BRINP1: variants seen among roughly 807,000 people sequenced by gnomAD.
BRINP1 encodes the protein BMP/retinoic acid inducible neural specific 1, also known as BMP/retinoic acid-inducible neural-specific protein 1.
A neutral mutation model predicts 72.9 loss-of-function variants in BRINP1; 17 were observed. The ratio of observed to expected loss-of-function variants is 0.23; its 90% confidence interval spans 0.16 to 0.35. BRINP1 has a LOEUF of 0.35. BRINP1 is among the 10% of genes least tolerant of loss of function. The pLI is 1.00. For synonymous variants in BRINP1, 418 were observed against 378.5 expected (o/e 1.10, Z -1.21); for missense variants, 850 against 1,001.6 (o/e 0.85, Z 2.04).
chr9:119,169,501 A>G (rs1458388186), intron 7 of BRINP1, among the ~76,000 whole-genome samples: 1 of 152,154 alleles, frequency 6.6e-6, no homozygotes, highest in Non-Finnish European at 1.5e-5. Flanking sequence ...AGTCTCGCTG[A>G]TTGCTAGCGC....
intron 7 of BRINP1, among the ~76,000 whole-genome samples, chr9:119,180,584 T>A (rs1829545284): frequency 6.6e-6 from 1 of 152,110 alleles, no homozygotes; most frequent in African/African-American, 2.4e-5. Context: ...GAGATTCCGC[T>A]GAAAACAGCC....
chr9:119,315,275 T>C (rs931629925), intron 1 of BRINP1, among the ~76,000 whole-genome samples: 8 of 152,160 alleles, frequency 5.3e-5, no homozygotes, highest in African/African-American at 1.4e-4. Context: ...TCCAACAATG[T>C]GTGCTCACTT....
chr9:119,353,815 T>G (rs1216383216), intron 1 of BRINP1, among the ~76,000 whole-genome samples: 1 of 149,616 alleles, frequency 6.7e-6, no homozygotes, highest in African/African-American at 2.4e-5. Context: ...TAATTTTGTT[T>G]TGAGCACTTT....
At chr9:119,267,865 C>T (rs896728290) in intron 2 of BRINP1, among the ~76,000 whole-genome samples, 5 of 151,972 alleles carry the variant, frequency 3.3e-5, no homozygotes, top group African/African-American at 9.7e-5. Flanking sequence ...TATCTAGAGA[C>T]TGAAAAGAGA....
At chr9:119,214,208 C>A (rs754403807) in intron 5 of BRINP1, 53 bp from the exon 6 acceptor site, 15 of 1,364,836 alleles carry the variant, frequency 1.1e-5, no homozygotes, top group Non-Finnish European at 1.6e-5. Flanking sequence ...AAAGGTGTTT[C>A]ATTAACAATT....
chr9:119,240,276 C>CAACAAA (rs1830234215), intron 4 of BRINP1, among the ~76,000 whole-genome samples: 1 of 151,938 alleles, frequency 6.6e-6, no homozygotes, highest in East Asian at 1.9e-4. Flanking sequence ...CTCAAAAAGA[C>CAACAAA]AACAACAACA....
intron 7 of BRINP1, among the ~76,000 whole-genome samples, chr9:119,199,800 C>CTT (rs11375044): frequency 0.013 from 1,922 of 145,816 alleles, 37 homozygotes; most frequent in African/African-American, 0.04. Context: ...TCTTGTTCTT[C>CTT]TTTTTTTTTT....
intron 2 of BRINP1, among the ~76,000 whole-genome samples, chr9:119,269,531 C>T (rs1224269114): frequency 6.6e-6 from 1 of 152,152 alleles, no homozygotes; most frequent in Non-Finnish European, 1.5e-5. Context: ...TACCCCCACC[C>T]CTGTTTAAAA....
intron 2 of BRINP1, among the ~76,000 whole-genome samples, chr9:119,265,942 T>C (rs921513623): frequency 1.3e-5 from 2 of 152,168 alleles, no homozygotes; most frequent in African/African-American, 2.4e-5. Context: ...TTTCAACCAG[T>C]GGTTTTTAAG....
chr9:119,262,457 C>G (rs1239428091), intron 2 of BRINP1, among the ~76,000 whole-genome samples: 1 of 151,520 alleles, frequency 6.6e-6, no homozygotes. Context: ...TATGGTGAAG[C>G]CCTGTCTCTA....
In BRINP1 at chr9:119,168,082, T is replaced by C. The variant is rs1829342485; in HGVS notation, c.1288A>G (p.Ile430Val). The change falls in exon 8 of 8, where the codon ATA becomes GTA. Residue 430 changes from isoleucine (I) to valine (V), a missense_variant. Coordinates refer to ENST00000265922, the MANE Select transcript of BRINP1 (RefSeq NM_014618.3). ...ATGGCGCAGCTGTTGTTCCCGCCTA[T>C]CACGCAGGGGATGGGGCGCTGGCAC... Reference protein sequence around the residue: ...TLCQRPIPCVIGGNNSCAMCS... With the variant: ...TLCQRPIPCVVGGNNSCAMCS... The C allele has an allele frequency of 3.7e-6, 6 of 1,610,508 alleles. No homozygotes were observed. The highest frequency in any genetic ancestry group is 1.3e-5 in the African/African-American group (1 of 74,864).
chr9:119,326,619 A>T (rs1004906025), intron 1 of BRINP1, among the ~76,000 whole-genome samples: 1 of 152,206 alleles, frequency 6.6e-6, no homozygotes, highest in Non-Finnish European at 1.5e-5. Context: ...TTTCTCCCCA[A>T]ATTATCAGCA....
intron 1 of BRINP1, among the ~76,000 whole-genome samples, chr9:119,353,247 G>C (rs1204349822): frequency 1.3e-5 from 2 of 152,110 alleles, no homozygotes; most frequent in Non-Finnish European, 2.9e-5. Context: ...TCAAATCATT[G>C]TGGTGCTCTT....
At chr9:119,281,905 A>T (rs973394380) in intron 2 of BRINP1, among the ~76,000 whole-genome samples, 6 of 152,176 alleles carry the variant, frequency 3.9e-5, no homozygotes, top group Non-Finnish European at 7.3e-5. Flanking sequence ...CCTTATTGAC[A>T]GGTATTCAGC....
At chr9:119,361,165 A>T (rs1392430609) in intron 1 of BRINP1, among the ~76,000 whole-genome samples, 3 of 152,112 alleles carry the variant, frequency 2.0e-5, no homozygotes, top group African/African-American at 7.2e-5. Flanking sequence ...ACCCAGTCTC[A>T]TTCAGTCTAT....
chr9:119,345,332 G>A (rs1412858850), intron 1 of BRINP1, among the ~76,000 whole-genome samples: 2 of 151,684 alleles, frequency 1.3e-5, no homozygotes, highest in Non-Finnish European at 2.9e-5. Context: ...AAATTTCTTG[G>A]GAGAAAAAAA....
chr9:119,208,049 T>G (rs955102982), intron 7 of BRINP1, among the ~76,000 whole-genome samples: 1 of 151,776 alleles, frequency 6.6e-6, no homozygotes, highest in Middle Eastern at 3.4e-3. Context: ...CCTGAGAGAG[T>G]AGTAAACCCT....
chr9:119,300,994 G>A (rs757426096), intron 2 of BRINP1, among the ~76,000 whole-genome samples: 4 of 152,206 alleles, frequency 2.6e-5, no homozygotes, highest in African/African-American at 2.4e-5. Flanking sequence ...CTTTGTGAGT[G>A]AGCATAGCTC....
chr9:119,300,705 T>C (rs767878752), intron 2 of BRINP1, among the ~76,000 whole-genome samples: 4 of 152,118 alleles, frequency 2.6e-5, no homozygotes, highest in Middle Eastern at 3.2e-3. Flanking sequence ...AAATCTCTAC[T>C]CCCTTTTTCT....
Sources: allele counts gnomAD v4.1 joint callset (sites outside exome capture counted in the v4.1 genomes callset), GRCh38; gene constraint gnomAD v4.1.1; transcripts MANE v1.5; gene names NCBI Gene and HGNC (gene_info 2026-07-23, HGNC 2026-07-21).